RBMS3: variants seen among roughly 807,000 people sequenced by gnomAD.
The protein encoded by RBMS3 is RNA-binding motif, single-stranded-interacting protein 3.
RBMS3 carries 27 observed loss-of-function variants against 66.8 expected under a neutral mutation model. The observed-to-expected ratio is 0.40, with a 90% confidence interval of 0.30 to 0.56. The LOEUF (loss-of-function observed/expected upper bound fraction) is 0.56, where lower values mean the gene tolerates loss of function less well. Among genes scored for constraint, RBMS3 ranks in the 20% least tolerant of loss-of-function variants. RBMS3 has a pLI of 0.40. For synonymous variants in RBMS3, 188 were observed against 183.0 expected, an observed-to-expected ratio of 1.03 and a Z score of -0.22; for missense variants, 513 against 549.5, an observed-to-expected ratio of 0.93 and a Z score of 0.66.
chr3:29,888,227 A>G (rs2059918597), intron 8 of RBMS3, among the ~76,000 whole-genome samples: 1 of 151,766 alleles, frequency 6.6e-6, no homozygotes, highest in African/African-American at 2.4e-5. Context: ...TACAACAATG[A>G]ATATTTTCCT....
At chr3:29,807,909 T>G (rs1221287809) in intron 6 of RBMS3, among the ~76,000 whole-genome samples, 5 of 151,904 alleles carry the variant, frequency 3.3e-5, no homozygotes, top group Non-Finnish European at 7.4e-5. Flanking sequence ...AACCTGAAAT[T>G]TCAATTTTTT....
intron 3 of RBMS3, among the ~76,000 whole-genome samples, chr3:29,544,144 G>A (rs1034086290): frequency 6.6e-6 from 1 of 152,008 alleles, no homozygotes; most frequent in African/African-American, 2.4e-5. Flanking sequence ...ATCTTACATT[G>A]TGACTTTAGT....
At chr3:29,361,941 C>T (rs1228251356) in intron 1 of RBMS3, among the ~76,000 whole-genome samples, 1 of 152,090 alleles carries the variant, frequency 6.6e-6, no homozygotes, top group Non-Finnish European at 1.5e-5. Flanking sequence ...TTCTAGTTAG[C>T]CATTAGTCGA....
intron 3 of RBMS3, among the ~76,000 whole-genome samples, chr3:29,525,618 AGT>A (rs374558649): frequency 6.0e-4 from 92 of 152,324 alleles, no homozygotes; most frequent in African/African-American, 2.1e-3. Context: ...AGAAAAGCTC[AGT>A]GTATTGGTTT....
chr3:29,716,909 G>A (rs1576602728), intron 4 of RBMS3, among the ~76,000 whole-genome samples: 1 of 151,314 alleles, frequency 6.6e-6, no homozygotes, highest in African/African-American at 2.4e-5. Flanking sequence ...AATCATTGTA[G>A]TACATGCATA....
chr3:29,696,012 T>C (rs1487449558), intron 4 of RBMS3, among the ~76,000 whole-genome samples: 1 of 152,184 alleles, frequency 6.6e-6, no homozygotes, highest in Non-Finnish European at 1.5e-5. Context: ...GATTTCAATG[T>C]TTCTTTCTTC....
At position 29,621,477 on chromosome 3, in the gene RBMS3, GTC is replaced by G. The variant is rs537415820; in HGVS notation, c.399+34278_399+34279del. ...GGGACTCTGCAGATTATTTGTAGTT[GTC>G]TCTCTGTTGTTGATCAAATAATGAA... On this transcript the variant is annotated intron_variant, in intron 4 of 14. Coordinates refer to ENST00000383767, the MANE Select transcript of RBMS3 (RefSeq NM_001003793.3). Among the ~76,000 whole-genome samples the G allele has an allele frequency of 4.1e-3, 618 of 152,230 alleles. 3 individuals are homozygous for G. The highest frequency in any genetic ancestry group is 6.6e-3 in the Non-Finnish European group (452 of 68,000).
At chr3:29,595,951 A>T (rs1405732607) in intron 4 of RBMS3, among the ~76,000 whole-genome samples, 3 of 152,160 alleles carry the variant, frequency 2.0e-5, no homozygotes, top group Non-Finnish European at 4.4e-5. Context: ...CAAGGGAGAG[A>T]GCAATGAGCC....
chr3:29,995,170 T>G (rs1186435085), intron 14 of RBMS3, among the ~76,000 whole-genome samples: 3 of 151,756 alleles, frequency 2.0e-5, no homozygotes, highest in Non-Finnish European at 2.9e-5. Flanking sequence ...AGAAAGGGGA[T>G]CAGCAATGGA....
intron 4 of RBMS3, among the ~76,000 whole-genome samples, chr3:29,620,015 G>T (rs747548614): frequency 6.6e-6 from 1 of 152,012 alleles, no homozygotes; most frequent in African/African-American, 2.4e-5. Context: ...AATAAAAATC[G>T]GGGAGCAGGA....
At chr3:29,740,062 T>C in intron 5 of RBMS3, 185 bp downstream of exon 5, 1 of 464,420 alleles carries the variant, frequency 2.2e-6, no homozygotes, top group Non-Finnish European at 3.7e-6. Context: ...AATGTAATTA[T>C]AAATAAACTG....
At chr3:29,528,737 T>C (rs1266585535) in intron 3 of RBMS3, among the ~76,000 whole-genome samples, 2 of 152,150 alleles carry the variant, frequency 1.3e-5, no homozygotes, top group African/African-American at 2.4e-5. Context: ...TGCTTTCTTA[T>C]ATTATTTTAT....
intron 1 of RBMS3, among the ~76,000 whole-genome samples, chr3:29,380,983 C>T (rs750974552): frequency 1.3e-4 from 20 of 152,090 alleles, no homozygotes; most frequent in Non-Finnish European, 4.4e-5. Context: ...GCTGTGCCAC[C>T]GTAGATGAAA....
intron 1 of RBMS3, among the ~76,000 whole-genome samples, chr3:29,359,784 T>G (rs2037453689): frequency 6.6e-6 from 1 of 152,208 alleles, no homozygotes; most frequent in Non-Finnish European, 1.5e-5. Context: ...GGAGGGTGTA[T>G]GTGTCCAGGA....
chr3:29,987,434 G>A (rs560321837), intron 12 of RBMS3, among the ~76,000 whole-genome samples: 2 of 152,068 alleles, frequency 1.3e-5, no homozygotes, highest in African/African-American at 4.8e-5. Flanking sequence ...ATAATTTATT[G>A]ACTACTACAA....
intron 6 of RBMS3, among the ~76,000 whole-genome samples, chr3:29,854,845 A>C (rs983372543): frequency 1.3e-5 from 2 of 152,194 alleles, no homozygotes. Context: ...TTACCAGTTT[A>C]AGTTTTATAG....
chr3:29,663,556 C>G (rs892568063), intron 4 of RBMS3, among the ~76,000 whole-genome samples: 3 of 152,072 alleles, frequency 2.0e-5, no homozygotes, highest in African/African-American at 4.8e-5. Context: ...CCTCTTGAAG[C>G]CTGGGATAAT....
intron 1 of RBMS3, among the ~76,000 whole-genome samples, chr3:29,380,055 AG>A (rs2038686178): frequency 6.6e-6 from 1 of 152,120 alleles, no homozygotes; most frequent in Admixed American, 6.6e-5. Flanking sequence ...AGAGCAAAAA[AG>A]TATGAGGATT....
chr3:29,952,360 C>G (rs1268872458), intron 12 of RBMS3, among the ~76,000 whole-genome samples: 1 of 151,696 alleles, frequency 6.6e-6, no homozygotes, highest in Non-Finnish European at 1.5e-5. Context: ...TAGTTAATGC[C>G]ACTTTTCGTA....
Sources: gnomAD v4.1 joint callset for allele counts (sites outside exome capture counted in the v4.1 genomes callset) on GRCh38, gnomAD v4.1.1 for gene constraint, MANE v1.5 for transcripts, NCBI Gene and HGNC (gene_info 2026-07-23, HGNC 2026-07-21) for gene names.